Variants in ST8SIA5 observed in about 807,000 individuals in gnomAD.
ST8SIA5 encodes the protein alpha-2,8-sialyltransferase 8E.
ST8SIA5 carries 24 observed loss-of-function variants against 40.2 expected under a neutral mutation model. The observed-to-expected ratio is 0.60, with a 90% CI of 0.43 to 0.84. ST8SIA5 has a LOEUF of 0.84. ST8SIA5 is among the 40% of genes least tolerant of loss of function. The pLI is 0.00. For synonymous variants in ST8SIA5, 198 were observed against 201.8 expected (o/e 0.98, Z 0.16); for missense variants, 465 against 498.5 (o/e 0.93, Z 0.64).
At chr18:46,750,614 A>T (rs983140839) in intron 1 of ST8SIA5, among the ~76,000 whole-genome samples, 2 of 151,972 alleles carry the variant, frequency 1.3e-5, no homozygotes, top group Non-Finnish European at 2.9e-5. Context: ...CAGACACCTC[A>T]ATCCTATCCC....
At chr18:46,726,317 G>A (rs2144538012) in intron 1 of ST8SIA5, among the ~76,000 whole-genome samples, 1 of 151,820 alleles carries the variant, frequency 6.6e-6, no homozygotes, top group East Asian at 1.9e-4. Flanking sequence ...GTAGTTGCTG[G>A]GCCAAGTAAC....
Position 46,676,127 on chromosome 18 carries a change from G to A in ST8SIA5, c.*3915C>T, listed in dbSNP as rs1044948683. ...TACACGGATGTCAAGGATGATATCT[G>A]AGAAGTATCTGCTGCTTTGCTCATT... On this transcript the variant is annotated 3_prime_UTR_variant, in exon 7 of 7. Coordinates refer to ENST00000315087, the MANE Select transcript of ST8SIA5 (RefSeq NM_013305.6). 1.2e-4 allele frequency: 18 copies of A among 152,168 alleles called. No individual in the cohort carries two copies. Among genetic ancestry groups the A allele is most frequent in the African/African-American group, 4.1e-4 (17 of 41,428 alleles). The allele number at this position is 152,168 out of a possible 1,614,324, so 9.4% of individuals were successfully genotyped here.
intron 1 of ST8SIA5, among the ~76,000 whole-genome samples, chr18:46,741,472 T>C (rs1599149770): frequency 6.6e-6 from 1 of 152,194 alleles, no homozygotes; most frequent in Non-Finnish European, 1.5e-5. Flanking sequence ...AATAGATGAA[T>C]CTCAAAAACG....
intron 1 of ST8SIA5, among the ~76,000 whole-genome samples, chr18:46,744,170 A>G (rs2040115381): frequency 6.6e-6 from 1 of 152,234 alleles, no homozygotes. Flanking sequence ...CGGGCAAAAT[A>G]ACCACCTAAC....
intron 1 of ST8SIA5, among the ~76,000 whole-genome samples, chr18:46,734,308 A>G (rs1429246210): frequency 6.6e-6 from 1 of 152,094 alleles, no homozygotes; most frequent in Non-Finnish European, 1.5e-5. Flanking sequence ...GGGGCCTTTC[A>G]TTGGAGGCAA....
rs979499440 is a variant in ST8SIA5 at position 46,756,785 on chromosome 18, G to T, written c.-277C>A. On this transcript the variant is annotated 5_prime_UTR_variant, in exon 1 of 7. Coordinates refer to ENST00000315087, the MANE Select transcript of ST8SIA5 (RefSeq NM_013305.6). ...CCCCCGGGTACCTTTACCTCCAGGC[G>T]CCGGTGCCGGGTAGCCGCCGATTTC... 2.7e-6 allele frequency: 1 copy of T among 372,450 alleles called. No homozygotes were observed. The highest frequency in any genetic ancestry group is 4.8e-6 in the Non-Finnish European group (1 of 209,184). The allele number at this position is 372,450 out of a possible 1,614,324, so 23.1% of individuals were successfully genotyped here.
chr18:46,676,399 A>C lies in ST8SIA5; in HGVS notation c.*3643T>G, dbSNP rs2039339639. 1.3e-5 allele frequency: 2 copies of C among 152,314 alleles called. No homozygotes were observed. The highest frequency in any genetic ancestry group is 6.5e-5 in the Admixed American group (1 of 15,286). 9.4% of individuals were successfully genotyped at this position (152,314 alleles called of 1,614,324 possible). ...CGGCACCTGGCACCATGCCTGGCAC[A>C]ACATGAGCACTCAATAAATATAATT... On this transcript the variant is annotated 3_prime_UTR_variant, in exon 7 of 7. Coordinates refer to ENST00000315087, the MANE Select transcript of ST8SIA5 (RefSeq NM_013305.6).
At chr18:46,725,999 ATATATATATATCC>A (rs1427209104) in intron 1 of ST8SIA5, among the ~76,000 whole-genome samples, 2 of 72,592 alleles carry the variant, frequency 2.8e-5, no homozygotes, top group African/African-American at 1.0e-4. Flanking sequence ...ATATATATAT[ATATATATATATCC>A]TGGATATATA....
intron 2 of ST8SIA5, among the ~76,000 whole-genome samples, chr18:46,701,615 A>T (rs2039617553): frequency 6.6e-6 from 1 of 152,198 alleles, no homozygotes; most frequent in Admixed American, 6.5e-5. Flanking sequence ...GAGGCCTCAG[A>T]AGAAGCCAGC....
intron 1 of ST8SIA5, among the ~76,000 whole-genome samples, chr18:46,729,364 T>G: frequency 6.6e-6 from 1 of 151,904 alleles, no homozygotes; most frequent in South Asian, 2.1e-4. Flanking sequence ...GCAACCAGAG[T>G]GGGGAAAGGG....
rs1237552837 is a variant in ST8SIA5, at chr18:46,695,892, C to A, written c.225-3637G>T. 2.0e-5 allele frequency among the ~76,000 whole-genome samples: 3 copies of A among 152,170 alleles called. No homozygotes were observed. The East Asian group carries it at 5.8e-4, about 29-fold the overall frequency. On this transcript the variant is annotated intron_variant, in intron 2 of 6. Coordinates refer to ENST00000315087, the MANE Select transcript of ST8SIA5 (RefSeq NM_013305.6). ...CAGGAACTAGAAATACAGTAGTGAACAAAACAACCCCTTGCTTCCATGGAG... is the reference window on the plus strand; with the variant it reads ...CAGGAACTAGAAATACAGTAGTGAAAAAAACAACCCCTTGCTTCCATGGAG...
chr18:46,678,460 C>T lies in ST8SIA5; in HGVS notation c.*1582G>A, dbSNP rs1334572018. On this transcript the variant is annotated 3_prime_UTR_variant, in exon 7 of 7. Transcript: ENST00000315087. ...CAAATGAGGTGATTGGATAGCAGAT[C>T]CCACTCCCTGATAGACTCTTACAGC... 6.6e-6 allele frequency: 1 copy of T among 152,320 alleles called. No individual in the cohort carries two copies. The highest frequency in any genetic ancestry group is 1.5e-5 in the Non-Finnish European group (1 of 68,146). 9.4% of individuals were successfully genotyped at this position (152,320 alleles called of 1,614,324 possible).
intron 1 of ST8SIA5, among the ~76,000 whole-genome samples, chr18:46,752,465 G>A (rs960411979): frequency 2.5e-4 from 38 of 152,152 alleles, no homozygotes; most frequent in Non-Finnish European, 7.4e-5. Flanking sequence ...TCACAACTTT[G>A]TTTCTTGTCT....
intron 1 of ST8SIA5, among the ~76,000 whole-genome samples, chr18:46,729,035 C>G (rs553270715): frequency 6.6e-6 from 1 of 152,190 alleles, no homozygotes; most frequent in Non-Finnish European, 1.5e-5. Flanking sequence ...TTTTAAGCCA[C>G]TATTGTGCTC....
intron 1 of ST8SIA5, among the ~76,000 whole-genome samples, chr18:46,749,255 C>T (rs1599156766): frequency 6.6e-6 from 1 of 152,130 alleles, no homozygotes. Context: ...TACAGGATTT[C>T]TTTTGCAGAG....
At chr18:46,755,861 T>A (rs1178629241) in intron 1 of ST8SIA5, among the ~76,000 whole-genome samples, 1 of 152,166 alleles carries the variant, frequency 6.6e-6, no homozygotes, top group Non-Finnish European at 1.5e-5. Context: ...CCCTGTCGCA[T>A]AGCCACAGCC....
chr18:46,734,651 A>G (rs2040017347), intron 1 of ST8SIA5, among the ~76,000 whole-genome samples: 1 of 152,168 alleles, frequency 6.6e-6, no homozygotes, highest in African/African-American at 2.4e-5. Context: ...TCCTGTTTCA[A>G]GCAGAGCATC....
chr18:46,682,042 C>G lies in ST8SIA5; in HGVS notation c.592G>C (p.Glu198Gln). Reference protein sequence around the residue: ...VFRCNLPPISEKYTMDVGVKT... With the variant: ...VFRCNLPPISQKYTMDVGVKT... ...ACCCCCACATCCATGGTGTACTTCT[C>G]TGAGATGGGGGGCAGGTTGCACCTG... Residue 198 changes from glutamate to glutamine, a missense_variant, in exon 6 of 7, where the codon GAG (glutamate) becomes CAG (glutamine). Coordinates refer to ENST00000315087, the MANE Select transcript of ST8SIA5 (RefSeq NM_013305.6). 1.2e-6 allele frequency: 2 copies of G among 1,609,560 alleles called. No homozygotes were observed. The highest frequency in any genetic ancestry group is 1.1e-5 in the South Asian group (1 of 89,896).
intron 1 of ST8SIA5, among the ~76,000 whole-genome samples, chr18:46,737,057 C>G (rs955397465): frequency 6.6e-6 from 1 of 152,204 alleles, no homozygotes; most frequent in Non-Finnish European, 1.5e-5. Flanking sequence ...ACTCACACTG[C>G]ATGAGGCTAA....
Sources: gnomAD v4.1 joint callset for allele counts (sites outside exome capture counted in the v4.1 genomes callset) on GRCh38, gnomAD v4.1.1 for gene constraint, MANE v1.5 for transcripts, NCBI Gene and HGNC (gene_info 2026-07-23, HGNC 2026-07-21) for gene names.